Variants in FHIT observed in about 807,000 individuals in gnomAD.
The protein encoded by FHIT is bis(5'-adenosyl)-triphosphatase.
Under a neutral mutation model 17.9 loss-of-function variants are expected in FHIT, and 19 were observed. That is an observed-to-expected ratio of 1.06 (90% CI 0.74 to 1.56). The LOEUF (loss-of-function observed/expected upper bound fraction) is 1.56, where lower values mean the gene tolerates loss of function less well. FHIT is among the 40% of genes most tolerant of loss of function. FHIT has a pLI of 0.00. For synonymous variants in FHIT, 81 were observed against 69.7 expected (o/e 1.16, Z -0.81); for missense variants, 248 against 189.2 (o/e 1.31, Z -1.82).
At chr3:61,148,152 C>A (rs1047514613) in intron 2 of FHIT, among the ~76,000 whole-genome samples, 1 of 151,130 alleles carries the variant, frequency 6.6e-6, no homozygotes, top group African/African-American at 2.4e-5. Flanking sequence ...TATTAATGTT[C>A]GAAACAAACA....
intron 5 of FHIT, among the ~76,000 whole-genome samples, chr3:60,121,365 T>C (rs1318360061): frequency 1.3e-5 from 2 of 152,186 alleles, no homozygotes; most frequent in East Asian, 1.9e-4. Flanking sequence ...TGGTTTCAGT[T>C]ACCTGCAGTC....
At position 60,433,429 on chromosome 3, in the gene FHIT, C is replaced by T. The variant is rs145387371; in HGVS notation, c.103+103431G>A. ...ATACTGATTTTAATTCTTTAAAATA[C>T]TCAGAAGTGGTATTGCTAGATCATG... On this transcript the variant is annotated intron_variant, in intron 5 of 9. Coordinates refer to ENST00000492590, the MANE Select transcript of FHIT (RefSeq NM_002012.4). 5.3e-3 allele frequency among the ~76,000 whole-genome samples: 812 copies of T among 152,126 alleles called. 9 individuals are homozygous for T. Among genetic ancestry groups the T allele is most frequent in the African/African-American group, 0.019 (781 of 41,498 alleles).
rs530354424 is a variant in FHIT at position 60,056,213 on chromosome 3, A to T, written c.104-42061T>A. On this transcript the variant is annotated intron_variant, in intron 5 of 9. Transcript: ENST00000492590. ...ATTTCTTTAAGTTTCTCTTGGCTAC[A>T]GCTCTTAAGAGACACACAGAGGGAA... is the stretch of plus-strand genomic sequence containing the variant. Among the ~76,000 whole-genome samples, 51 of 152,294 alleles carry T rather than the reference A, an allele frequency of 3.3e-4. 1 individual carries two copies. In the South Asian group the frequency reaches 0.01, roughly 31 times the overall value.
intron 5 of FHIT, among the ~76,000 whole-genome samples, chr3:60,074,622 G>A (rs1300969751): frequency 2.6e-5 from 4 of 151,374 alleles, no homozygotes; most frequent in East Asian, 1.9e-4. Context: ...CTGAGGTCAC[G>A]TTGTTACTGT....
intron 5 of FHIT, among the ~76,000 whole-genome samples, chr3:60,324,573 G>GGAAAAAAAAAAAA (rs757433390): frequency 2.0e-4 from 26 of 128,850 alleles, no homozygotes; most frequent in African/African-American, 7.4e-4. Flanking sequence ...GACTCCATCA[G>GGAAAAAAAAAAAA]AAAAAAAAAA....
intron 2 of FHIT, among the ~76,000 whole-genome samples, chr3:61,045,002 C>A (rs912909239): frequency 3.9e-5 from 6 of 152,154 alleles, no homozygotes; most frequent in African/African-American, 1.4e-4. Flanking sequence ...TGGAAAGGAA[C>A]AACCAGTACC....
rs553516165 is a variant in FHIT at position 60,926,135 on chromosome 3, T to C, written c.-110-104124A>G. 1.7e-3 allele frequency among the ~76,000 whole-genome samples: 259 copies of C among 152,170 alleles called. 1 individual carries two copies. The highest frequency in any genetic ancestry group is 5.9e-3 in the African/African-American group (247 of 41,530). On this transcript the variant is annotated intron_variant, in intron 3 of 9. Transcript: ENST00000492590. Reference sequence around the variant, plus strand: ...GACTTTAACAATCCACTGTCAACATTAGACAGATCAACGAGACAGAAAGTT... The same window carrying C: ...GACTTTAACAATCCACTGTCAACATCAGACAGATCAACGAGACAGAAAGTT...
intron 5 of FHIT, among the ~76,000 whole-genome samples, chr3:60,176,209 G>A (rs548307162): frequency 4.5e-4 from 68 of 152,118 alleles, no homozygotes; most frequent in Non-Finnish European, 9.1e-4. Flanking sequence ...AAAATTAGCC[G>A]GGCATGTTGG....
intron 4 of FHIT, among the ~76,000 whole-genome samples, chr3:60,614,035 T>A (rs1298128105): frequency 6.6e-6 from 1 of 150,650 alleles, no homozygotes; most frequent in Non-Finnish European, 1.5e-5. Context: ...GTGATACAGG[T>A]TGTGGGTGGG....
chr3:59,948,372 C>CTGG (rs1353895728), intron 7 of FHIT, among the ~76,000 whole-genome samples: 4 of 122,964 alleles, frequency 3.3e-5, no homozygotes, highest in Non-Finnish European at 6.8e-5. Flanking sequence ...AAAAAATTAG[C>CTGG]CGGGCATAGT....
chr3:60,135,737 A>G (rs562459874), intron 5 of FHIT, among the ~76,000 whole-genome samples: 1 of 152,170 alleles, frequency 6.6e-6, no homozygotes, highest in Non-Finnish European at 1.5e-5. Flanking sequence ...AGAGACTCCA[A>G]TACCATGTCT....
chr3:59,784,609 C>T (rs1702753662), intron 8 of FHIT, among the ~76,000 whole-genome samples: 1 of 152,192 alleles, frequency 6.6e-6, no homozygotes, highest in African/African-American at 2.4e-5. Context: ...AGAACGCAGT[C>T]ACGACCTTAA....
intron 5 of FHIT, among the ~76,000 whole-genome samples, chr3:60,081,699 G>C (rs2736785): frequency 6.2e-4 from 94 of 151,688 alleles, no homozygotes; most frequent in African/African-American, 2.1e-3. Context: ...CGATAATAAG[G>C]AAAACCCCTA....
At chr3:60,166,237 C>T (rs1179845549) in intron 5 of FHIT, among the ~76,000 whole-genome samples, 3 of 150,776 alleles carry the variant, frequency 2.0e-5, no homozygotes, top group South Asian at 2.1e-4. Context: ...AAGCATTAAC[C>T]AGGGGTGTTA....
Position 59,789,397 on chromosome 3 carries a change from A to G in FHIT, c.349-37076T>C, listed in dbSNP as rs572507729. On this transcript the variant is annotated intron_variant, in intron 8 of 9. Coordinates refer to ENST00000492590, the MANE Select transcript of FHIT (RefSeq NM_002012.4). ...TAAAATGGTTTCTACTGACTAACTC[A>G]TTTAATCATTTAGTTGATTTAATGA... 1.6e-4 allele frequency among the ~76,000 whole-genome samples: 25 copies of G among 152,324 alleles called. No individual in the cohort carries two copies. In the South Asian group the frequency reaches 5.2e-3, roughly 32 times the overall value.
rs555142605 is a variant in FHIT at position 60,147,841 on chromosome 3, A to G, written c.104-133689T>C. 2.0e-4 allele frequency among the ~76,000 whole-genome samples: 31 copies of G among 152,282 alleles called. No homozygotes were observed. In the South Asian group the frequency reaches 3.5e-3, roughly 17 times the overall value. On this transcript the variant is annotated intron_variant, in intron 5 of 9. Coordinates refer to ENST00000492590, the MANE Select transcript of FHIT (RefSeq NM_002012.4). Reference sequence around the variant, plus strand: ...GCAGTTGTCGAACGACCTCGGGGAAACAAGTCTAGGCCTATTTGTGCATTT... The same window carrying G: ...GCAGTTGTCGAACGACCTCGGGGAAGCAAGTCTAGGCCTATTTGTGCATTT...
intron 5 of FHIT, among the ~76,000 whole-genome samples, chr3:60,493,685 AC>A (rs1304303364): frequency 2.0e-5 from 3 of 152,158 alleles, no homozygotes; most frequent in East Asian, 1.9e-4. Context: ...TGTTTTGACA[AC>A]CCATAAATAT....
At chr3:60,033,685 A>C (rs1295907999) in intron 5 of FHIT, among the ~76,000 whole-genome samples, 1 of 152,198 alleles carries the variant, frequency 6.6e-6, no homozygotes, top group Non-Finnish European at 1.5e-5. Flanking sequence ...AGTGTGGCAA[A>C]ATCCGAATGA....
At chr3:60,551,864 C>A (rs899165756) in intron 4 of FHIT, among the ~76,000 whole-genome samples, 3 of 151,748 alleles carry the variant, frequency 2.0e-5, no homozygotes, top group South Asian at 2.1e-4. Context: ...CCATAAAATT[C>A]ACCCTTCTAG....
Sources: gnomAD v4.1 joint callset for allele counts (sites outside exome capture counted in the v4.1 genomes callset) on GRCh38, gnomAD v4.1.1 for gene constraint, MANE v1.5 for transcripts, NCBI Gene and HGNC (gene_info 2026-07-23, HGNC 2026-07-21) for gene names.